CADM2: variants seen among roughly 807,000 people sequenced by gnomAD.
CADM2 encodes the protein cell adhesion molecule 2, also known as immunoglobulin superfamily member 4D.
Under a neutral mutation model 49.8 loss-of-function variants are expected in CADM2, and 12 were observed. The ratio of observed to expected loss-of-function variants is 0.24; its 90% CI spans 0.15 to 0.39. CADM2 has a LOEUF of 0.39. Among genes scored for constraint, CADM2 ranks in the 10% least tolerant of loss-of-function variants. The probability of loss-of-function intolerance (pLI) is 1.00; values close to 1 mark genes in which losing one functional copy is unlikely to be tolerated. For synonymous variants in CADM2, 214 were observed against 175.4 expected, an observed-to-expected ratio of 1.22 and a Z score of -1.74; for missense variants, 378 against 492.3, an observed-to-expected ratio of 0.77 and a Z score of 2.20.
intron 1 of CADM2, among the ~76,000 whole-genome samples, chr3:85,706,026 A>G (rs2066937179): frequency 1.3e-5 from 2 of 152,346 alleles, no homozygotes; most frequent in South Asian, 2.1e-4. Flanking sequence ...TCTCAAAACT[A>G]TATTCGTAGA....
intron 1 of CADM2, among the ~76,000 whole-genome samples, chr3:85,409,992 C>G (rs2035582791): frequency 6.6e-6 from 1 of 152,100 alleles, no homozygotes; most frequent in African/African-American, 2.4e-5. Context: ...CTTGAGTATT[C>G]TCTATAGTTA....
chr3:85,593,216 G>A (rs575215816), intron 1 of CADM2, among the ~76,000 whole-genome samples: 1 of 151,808 alleles, frequency 6.6e-6, no homozygotes, highest in African/African-American at 2.4e-5. Context: ...TAGGGTACAT[G>A]TGCACAATGT....
chr3:85,328,137 G>T (rs905705982), intron 1 of CADM2, among the ~76,000 whole-genome samples: 2 of 152,140 alleles, frequency 1.3e-5, no homozygotes, highest in Non-Finnish European at 2.9e-5. Flanking sequence ...CTAGTAACAA[G>T]TAACTTGTCT....
chr3:85,462,960 C>T (rs907146817), intron 1 of CADM2, among the ~76,000 whole-genome samples: 8 of 152,084 alleles, frequency 5.3e-5, no homozygotes, highest in African/African-American at 1.7e-4. Flanking sequence ...CTCCTGTGAC[C>T]TGGAAAACCA....
intron 1 of CADM2, among the ~76,000 whole-genome samples, chr3:85,026,895 C>A (rs1028295779): frequency 3.1e-4 from 47 of 151,870 alleles, no homozygotes; most frequent in African/African-American, 1.0e-3. Flanking sequence ...AGTGTATATA[C>A]CCTGGAAAAA....
At chr3:85,981,193 ATATC>A (rs1208762559) in intron 8 of CADM2, among the ~76,000 whole-genome samples, 12 of 151,572 alleles carry the variant, frequency 7.9e-5, no homozygotes, top group South Asian at 2.1e-4. Flanking sequence ...AAAGGACTAA[ATATC>A]TATCTATCTA....
intron 1 of CADM2, among the ~76,000 whole-genome samples, chr3:85,126,345 A>G (rs2039032326): frequency 6.6e-6 from 1 of 152,166 alleles, no homozygotes; most frequent in Non-Finnish European, 1.5e-5. Flanking sequence ...CAAAACTCAC[A>G]TACATATGGG....
At chr3:85,539,930 A>G (rs1474918489) in intron 1 of CADM2, among the ~76,000 whole-genome samples, 1 of 152,140 alleles carries the variant, frequency 6.6e-6, no homozygotes, top group Non-Finnish European at 1.5e-5. Flanking sequence ...AGTTCAATAT[A>G]TAAGTCTAGA....
intron 1 of CADM2, among the ~76,000 whole-genome samples, chr3:85,284,176 A>G (rs2043571248): frequency 6.6e-6 from 1 of 152,158 alleles, no homozygotes; most frequent in Non-Finnish European, 1.5e-5. Flanking sequence ...TTAAAAATTT[A>G]TTTGAATTGT....
intron 1 of CADM2, among the ~76,000 whole-genome samples, chr3:85,444,743 C>A (rs1341592988): frequency 6.6e-6 from 1 of 152,050 alleles, no homozygotes; most frequent in African/African-American, 2.4e-5. Context: ...AAAATAAGCT[C>A]CATGAATGTC....
intron 1 of CADM2, among the ~76,000 whole-genome samples, chr3:85,709,225 T>C (rs1222439195): frequency 2.0e-5 from 3 of 152,156 alleles, no homozygotes; most frequent in Non-Finnish European, 4.4e-5. Context: ...AGTTAATGAG[T>C]TAAATCAATG....
chr3:85,568,476 T>TC, intron 1 of CADM2, among the ~76,000 whole-genome samples: 2 of 53,074 alleles, frequency 3.8e-5, no homozygotes, highest in African/African-American at 1.1e-4. Flanking sequence ...TTTCTCTCTC[T>TC]TTCTTTCTTT....
At chr3:86,041,991 T>C (rs1049470714) in intron 8 of CADM2, among the ~76,000 whole-genome samples, 10 of 151,992 alleles carry the variant, frequency 6.6e-5, no homozygotes, top group African/African-American at 2.4e-4. Context: ...GGGTACATAA[T>C]GAAATGAAGG....
At chr3:85,241,219 G>A (rs2107835767) in intron 1 of CADM2, among the ~76,000 whole-genome samples, 1 of 151,474 alleles carries the variant, frequency 6.6e-6, no homozygotes, top group Admixed American at 6.6e-5. Flanking sequence ...TGACCTCTGT[G>A]CAACATGAAC....
chr3:86,071,503 A>T lies in CADM2; in HGVS notation c.*4720A>T, dbSNP rs908904888. 6.6e-6 allele frequency: 1 copy of T among 151,946 alleles called. No individual in the cohort carries two copies. The allele number at this position is 151,946 out of a possible 1,614,324, so 9.4% of individuals were successfully genotyped here. A position where few individuals can be genotyped will look rare whatever the true frequency, so the allele number is the denominator to read the frequency against. On this transcript the variant is annotated 3_prime_UTR_variant, in exon 10 of 10. Coordinates refer to ENST00000383699, the MANE Select transcript of CADM2 (RefSeq NM_001167675.2). ...TGAGATTATTAATATTGAATGCAAT[A>T]GTTATTGGATATAGCTGGTAAGTTC...
At chr3:85,193,738 C>T (rs1478389019) in intron 1 of CADM2, among the ~76,000 whole-genome samples, 1 of 152,040 alleles carries the variant, frequency 6.6e-6, no homozygotes, top group Non-Finnish European at 1.5e-5. Flanking sequence ...TCATATTGGG[C>T]CCTAGCTTAC....
chr3:85,320,497 G>A (rs1030607853), intron 1 of CADM2, among the ~76,000 whole-genome samples: 2 of 152,134 alleles, frequency 1.3e-5, no homozygotes, highest in South Asian at 2.1e-4. Flanking sequence ...TCTGATTTCT[G>A]TAGCTGCCGG....
At chr3:86,049,479 T>A (rs1737085164) in intron 8 of CADM2, among the ~76,000 whole-genome samples, 1 of 151,956 alleles carries the variant, frequency 6.6e-6, no homozygotes, top group Admixed American at 6.6e-5. Context: ...TTTCACCATG[T>A]TAGCCAGGAT....
At chr3:85,788,946 A>G (rs988132675) in intron 2 of CADM2, among the ~76,000 whole-genome samples, 11 of 152,216 alleles carry the variant, frequency 7.2e-5, no homozygotes, top group Non-Finnish European at 1.3e-4. Context: ...AAAATATATT[A>G]TAATTCAGTA....
Sources: gnomAD v4.1 joint callset for allele counts (sites outside exome capture counted in the v4.1 genomes callset) on GRCh38, gnomAD v4.1.1 for gene constraint, MANE v1.5 for transcripts, NCBI Gene and HGNC (gene_info 2026-07-23, HGNC 2026-07-21) for gene names.